Variants in REEP3 observed in about 807,000 individuals in gnomAD.
The protein encoded by REEP3 is receptor expression-enhancing protein 3.
Under a neutral mutation model 41.3 loss-of-function variants are expected in REEP3, and 20 were observed. The observed-to-expected ratio is 0.48, with a 90% confidence interval of 0.34 to 0.70. The LOEUF is 0.70. Ranked by LOEUF, REEP3 falls within the 30% of genes least tolerant of loss-of-function variation. The probability of loss-of-function intolerance (pLI) is 0.01; values close to 1 mark genes in which losing one functional copy is unlikely to be tolerated. For missense variants in REEP3, 271 were observed against 308.8 expected (o/e 0.88, Z 0.92); for synonymous variants, 104 against 101.8 (o/e 1.02, Z -0.13).
chr10:63,616,080 C>T (rs1380451645), intron 6 of REEP3, among the ~76,000 whole-genome samples: 4 of 152,298 alleles, frequency 2.6e-5, no homozygotes, highest in South Asian at 2.1e-4. Context: ...ATACTCTCCC[C>T]GAGCCTCCAG....
At chr10:63,526,973 A>G (rs1955370697) in intron 1 of REEP3, among the ~76,000 whole-genome samples, 1 of 152,150 alleles carries the variant, frequency 6.6e-6, no homozygotes, top group Non-Finnish European at 1.5e-5. Context: ...GATAAGTACT[A>G]CTTTCCTATG....
chr10:63,587,137 A>G (rs1265477677), intron 2 of REEP3, among the ~76,000 whole-genome samples: 2 of 152,230 alleles, frequency 1.3e-5, no homozygotes, highest in Non-Finnish European at 2.9e-5. Context: ...GACTGAATGC[A>G]GATGATAGCT....
intron 2 of REEP3, among the ~76,000 whole-genome samples, chr10:63,588,816 C>T (rs888384930): frequency 4.6e-5 from 7 of 152,184 alleles, no homozygotes; most frequent in Admixed American, 2.6e-4. Context: ...AGTCAGGAAA[C>T]GCCTCTCTGA....
At position 63,530,730 on chromosome 10, in the gene REEP3, A is replaced by G. The variant is rs563618408; in HGVS notation, c.32+9153A>G. On this transcript the variant is annotated intron_variant, in intron 1 of 7. Coordinates refer to ENST00000373758, the MANE Select transcript of REEP3 (RefSeq NM_001001330.3). ...ACCCTTTTAGGATGGAGATTTTTAT[A>G]TTATGTACTTTAAGTATAGATGAAA... 2.6e-5 allele frequency among the ~76,000 whole-genome samples: 4 copies of G among 152,182 alleles called. No homozygotes were observed. The East Asian group carries it at 7.7e-4, about 29-fold the overall frequency.
intron 2 of REEP3, among the ~76,000 whole-genome samples, chr10:63,566,990 AG>A (rs1182889701): frequency 1.3e-5 from 2 of 152,076 alleles, no homozygotes; most frequent in East Asian, 3.8e-4. Flanking sequence ...TTTATTTTTT[AG>A]GATTTCTGAA....
chr10:63,574,757 GT>G (rs1955882789), intron 2 of REEP3, among the ~76,000 whole-genome samples: 1 of 135,326 alleles, frequency 7.4e-6, no homozygotes, highest in Admixed American at 7.4e-5. Context: ...GATGGTTCTT[GT>G]TTTGGATTCT....
chr10:63,558,280 A>G (rs1955708908), intron 1 of REEP3, among the ~76,000 whole-genome samples: 1 of 152,216 alleles, frequency 6.6e-6, no homozygotes, highest in Admixed American at 6.5e-5. Flanking sequence ...GCGTGAGGTT[A>G]TGGTGCTGTG....
Position 63,621,037 on chromosome 10 carries a change from C to A in REEP3, c.*168C>A. The A allele has an allele frequency of 2.0e-6, 1 of 490,796 alleles. No homozygotes were observed. The highest frequency in any genetic ancestry group is 3.2e-5 in the East Asian group (1 of 30,994). The allele number at this position is 490,796 out of a possible 1,614,324, so 30.4% of individuals were successfully genotyped here. ...GTTTTTATTTCTGTAACAATTGCTT[C>A]CAAATATTGACTACTAAAGGCAGTT... On this transcript the variant is annotated 3_prime_UTR_variant, in exon 8 of 8. Transcript: ENST00000373758.
At chr10:63,542,081 TTTTG>T (rs748386792) in intron 1 of REEP3, among the ~76,000 whole-genome samples, 2 of 75,472 alleles carry the variant, frequency 2.6e-5, no homozygotes, top group Non-Finnish European at 5.9e-5. Flanking sequence ...TTGTTTTTGT[TTTTG>T]TTTTTTTTTT....
intron 1 of REEP3, chr10:63,562,897 A>G (rs868805169): frequency 2.2e-6 from 1 of 456,426 alleles, no homozygotes; most frequent in African/African-American, 2.0e-5. Context: ...CCCCCTGCGC[A>G]TCAGAATGTG....
chr10:63,618,962 CGCG>C (rs1564494057), intron 6 of REEP3, among the ~76,000 whole-genome samples: 1 of 152,234 alleles, frequency 6.6e-6, no homozygotes, highest in Non-Finnish European at 1.5e-5. Flanking sequence ...CTAGCATACT[CGCG>C]TGATCTCTCA....
intron 6 of REEP3, 59 bp downstream of exon 6, chr10:63,610,393 A>T: frequency 6.7e-7 from 1 of 1,495,392 alleles, no homozygotes; most frequent in South Asian, 1.2e-5. Context: ...GGGGAACAAC[A>T]TACACTGGGG....
intron 1 of REEP3, among the ~76,000 whole-genome samples, chr10:63,566,013 C>A (rs1417016722): frequency 6.6e-6 from 1 of 151,496 alleles, no homozygotes; most frequent in African/African-American, 2.4e-5. Context: ...GCCTCCCCAG[C>A]AGCTGGGACT....
In REEP3 at chr10:63,572,113, A is replaced by C. The variant is rs1955858110; in HGVS notation, c.105+5703A>C. Reference sequence around the variant, plus strand: ...GCATTGAAATCACATGTGAACAAAGAGGTTCAAAATGAAATAGAAGGTTTT... The same window carrying C: ...GCATTGAAATCACATGTGAACAAAGCGGTTCAAAATGAAATAGAAGGTTTT... On this transcript the variant is annotated intron_variant, in intron 2 of 7. Coordinates refer to ENST00000373758, the MANE Select transcript of REEP3 (RefSeq NM_001001330.3). 2.6e-5 allele frequency among the ~76,000 whole-genome samples: 4 copies of C among 152,194 alleles called. No individual in the cohort carries two copies. In the South Asian group the frequency reaches 8.3e-4, roughly 32 times the overall value.
chr10:63,566,465 C>A, intron 2 of REEP3, 55 bp downstream of exon 2: 2 of 965,846 alleles, frequency 2.1e-6, no homozygotes, highest in African/African-American at 1.7e-5. Context: ...ATGATACACA[C>A]TGAAAAACTG....
At chr10:63,527,876 CAGCT>C (rs938613903) in intron 1 of REEP3, among the ~76,000 whole-genome samples, 22 of 152,208 alleles carry the variant, frequency 1.4e-4, no homozygotes, top group African/African-American at 5.3e-4. Flanking sequence ...GACTTATCAG[CAGCT>C]TTTGATACAA....
At chr10:63,527,680 CAAAAAA>C (rs570342237) in intron 1 of REEP3, among the ~76,000 whole-genome samples, 2 of 144,162 alleles carry the variant, frequency 1.4e-5, no homozygotes, top group Non-Finnish European at 3.0e-5. Flanking sequence ...GACCTTGTCT[CAAAAAA>C]AAAAGAAAAA....
chr10:63,560,629 T>C (rs1955731898), intron 1 of REEP3, among the ~76,000 whole-genome samples: 2 of 152,234 alleles, frequency 1.3e-5, no homozygotes, highest in South Asian at 2.1e-4. Flanking sequence ...TTCCCCTCTT[T>C]AGACGGAAAT....
At chr10:63,551,290 C>CA (rs1239183472) in intron 1 of REEP3, among the ~76,000 whole-genome samples, 2 of 151,994 alleles carry the variant, frequency 1.3e-5, no homozygotes, top group Non-Finnish European at 2.9e-5. Flanking sequence ...ATTTAAGCAG[C>CA]AAAATAAAGT....
Sources: gnomAD v4.1 joint callset for allele counts (sites outside exome capture counted in the v4.1 genomes callset) on GRCh38, gnomAD v4.1.1 for gene constraint, MANE v1.5 for transcripts, NCBI Gene and HGNC (gene_info 2026-07-23, HGNC 2026-07-21) for gene names.